RPS6KA6: variants seen among roughly 807,000 people sequenced by gnomAD.
RPS6KA6 encodes the protein ribosomal protein S6 kinase alpha-6.
A neutral mutation model predicts 65.4 loss-of-function variants in RPS6KA6; 27 were observed. The ratio of observed to expected loss-of-function variants is 0.41; its 90% confidence interval spans 0.30 to 0.57. The LOEUF (loss-of-function observed/expected upper bound fraction) is 0.57, where lower values mean the gene tolerates loss of function less well. RPS6KA6 is among the 20% of genes least tolerant of loss of function. The pLI, the probability that RPS6KA6 is intolerant of heterozygous loss-of-function variation, is 0.24. For synonymous variants in RPS6KA6, 190 were observed against 184.2 expected (o/e 1.03, Z -0.26); for missense variants, 486 against 555.6 (o/e 0.87, Z 1.26).
chrX:84,085,679 G>A (rs2033903413), intron 20 of RPS6KA6, among the ~76,000 whole-genome samples: 1 of 111,991 alleles, frequency 8.9e-6, no homozygotes, highest in African/African-American at 3.3e-5. Context: ...ATATCAGGAT[G>A]AATCTAGCAT....
At chrX:84,148,632 C>A (rs1402547758) in intron 3 of RPS6KA6, among the ~76,000 whole-genome samples, 2 of 111,253 alleles carry the variant, frequency 1.8e-5, no homozygotes, top group African/African-American at 6.5e-5. Context: ...GAGCTACATA[C>A]CTCCTTTTAA....
rs2033348729 is a variant in RPS6KA6, at chrX:84,064,198, A to G, written c.*79T>C. 9.5e-7 allele frequency: 1 copy of G among 1,049,191 alleles called. No individual in the cohort carries two copies. The highest frequency in any genetic ancestry group is 2.2e-5 in the South Asian group (1 of 44,637). The allele number at this position is 1,049,191 out of a possible 1,213,427, so 86.5% of individuals were successfully genotyped here. ...TATTCAAGTAATTTAGCAGACAACGATGCCTTTGATAAGAATAGGAAAAAA... is the reference window on the plus strand; with the variant it reads ...TATTCAAGTAATTTAGCAGACAACGGTGCCTTTGATAAGAATAGGAAAAAA... On this transcript the variant is annotated 3_prime_UTR_variant, in exon 22 of 22. Coordinates refer to ENST00000262752, the MANE Select transcript of RPS6KA6 (RefSeq NM_014496.5).
At chrX:84,178,011 C>T (rs1260181531) in intron 1 of RPS6KA6, among the ~76,000 whole-genome samples, 1 of 111,229 alleles carries the variant, frequency 9.0e-6, no homozygotes, top group African/African-American at 3.3e-5. Flanking sequence ...CCAGGCTGGT[C>T]TCAAACTCCT....
At chrX:84,121,275 G>A (rs952390608) in intron 8 of RPS6KA6, among the ~76,000 whole-genome samples, 4 of 111,475 alleles carry the variant, frequency 3.6e-5, no homozygotes, top group East Asian at 2.8e-4. Flanking sequence ...CACCTCTAGC[G>A]TTAAAATTTT....
intron 1 of RPS6KA6, 149 bp from the exon 2 acceptor site, chrX:84,164,536 T>G: frequency 2.3e-6 from 1 of 440,444 alleles, no homozygotes; most frequent in Admixed American, 4.5e-5. Flanking sequence ...ATAGAAGTAC[T>G]TAGAAAAGGA....
chrX:84,126,106 C>T (rs1290686912), intron 8 of RPS6KA6, among the ~76,000 whole-genome samples: 1 of 111,166 alleles, frequency 9.0e-6, no homozygotes, highest in African/African-American at 3.3e-5. Flanking sequence ...CTACAGGAAA[C>T]ACACTTCACC....
chrX:84,153,167 G>A (rs149212194), intron 3 of RPS6KA6, among the ~76,000 whole-genome samples: 1,912 of 111,665 alleles, frequency 0.017, 33 homozygotes, highest in African/African-American at 0.059. Context: ...CTTGAGAGTT[G>A]ATCACTTATT....
intron 20 of RPS6KA6, among the ~76,000 whole-genome samples, chrX:84,085,370 T>C (rs2033896184): frequency 8.9e-6 from 1 of 111,808 alleles, no homozygotes; most frequent in Non-Finnish European, 1.9e-5. Flanking sequence ...GGCATGCTCC[T>C]TTAGTACCCA....
chrX:84,150,899 TAGG>T (rs2035296034), intron 3 of RPS6KA6, among the ~76,000 whole-genome samples: 3 of 95,141 alleles, frequency 3.2e-5, no homozygotes, highest in East Asian at 6.5e-4. Context: ...AGGATATATA[TAGG>T]ATATATAGAG....
At chrX:84,123,948 G>T (rs749112311) in intron 8 of RPS6KA6, among the ~76,000 whole-genome samples, 1 of 111,405 alleles carries the variant, frequency 9.0e-6, no homozygotes, top group Non-Finnish European at 1.9e-5. Flanking sequence ...GGCCATAGGG[G>T]TGATTGCATA....
chrX:84,122,811 C>A (rs779258641), intron 8 of RPS6KA6, among the ~76,000 whole-genome samples: 1 of 111,545 alleles, frequency 9.0e-6, no homozygotes, highest in Admixed American at 9.5e-5. Flanking sequence ...TAGTGTTGAA[C>A]TGGAATTAGA....
intron 8 of RPS6KA6, among the ~76,000 whole-genome samples, chrX:84,125,254 A>T (rs778703981): frequency 8.9e-6 from 1 of 112,024 alleles, no homozygotes; most frequent in Non-Finnish European, 1.9e-5. Flanking sequence ...AAATGCAGGG[A>T]ATATTATTAT....
chrX:84,137,768 T>C (rs1321641900), intron 6 of RPS6KA6, among the ~76,000 whole-genome samples: 1 of 112,401 alleles, frequency 8.9e-6, no homozygotes, highest in Non-Finnish European at 1.9e-5. Context: ...GTAATGTTTG[T>C]GCCTATTTTC....
chrX:84,168,992 C>T (rs1299652175), intron 1 of RPS6KA6, among the ~76,000 whole-genome samples: 2 of 111,831 alleles, frequency 1.8e-5, no homozygotes, highest in Non-Finnish European at 3.8e-5. Flanking sequence ...CACTTTCATC[C>T]ACATAAAAAC....
At chrX:84,103,063 G>A (rs1441345476) in intron 17 of RPS6KA6, among the ~76,000 whole-genome samples, 2 of 110,973 alleles carry the variant, frequency 1.8e-5, no homozygotes, top group Non-Finnish European at 3.8e-5. Flanking sequence ...TTAAACAAAT[G>A]AAACAATAAT....
At chrX:84,086,786 G>A (rs2033932289) in intron 20 of RPS6KA6, among the ~76,000 whole-genome samples, 1 of 111,056 alleles carries the variant, frequency 9.0e-6, no homozygotes, top group African/African-American at 3.3e-5. Flanking sequence ...CTATTATTGT[G>A]TGGGAGTCTA....
intron 6 of RPS6KA6, among the ~76,000 whole-genome samples, chrX:84,141,795 C>A (rs775229377): frequency 9.0e-6 from 1 of 111,108 alleles, no homozygotes; most frequent in Non-Finnish European, 1.9e-5. Context: ...CATATCATAA[C>A]GATGAAGGGG....
intron 8 of RPS6KA6, among the ~76,000 whole-genome samples, chrX:84,120,713 T>C (rs2034656446): frequency 8.9e-6 from 1 of 111,785 alleles, no homozygotes; most frequent in African/African-American, 3.2e-5. Context: ...CGATTTAATG[T>C]TGTTAAGGTA....
At chrX:84,102,269 C>CTA (rs1210552021) in intron 17 of RPS6KA6, 71 bp from the exon 18 acceptor site, 4 of 522,836 alleles carry the variant, frequency 7.7e-6, no homozygotes, top group Non-Finnish European at 1.1e-5. Flanking sequence ...AACATTATAT[C>CTA]TATATAATTA....
Sources: allele counts gnomAD v4.1 joint callset (sites outside exome capture counted in the v4.1 genomes callset), GRCh38; gene constraint gnomAD v4.1.1; transcripts MANE v1.5; gene names NCBI Gene and HGNC (gene_info 2026-07-23, HGNC 2026-07-21).